Variants in NUTF2 observed in about 807,000 individuals in gnomAD.
The protein encoded by NUTF2 is nuclear transport factor 2.
A neutral mutation model predicts 18.5 loss-of-function variants in NUTF2; 3 were observed. The observed-to-expected ratio is 0.16, with a 90% CI of 0.07 to 0.42. The LOEUF (loss-of-function observed/expected upper bound fraction) is 0.42, where lower values mean the gene tolerates loss of function less well. Ranked by LOEUF, NUTF2 falls within the 10% of genes least tolerant of loss-of-function variation. The pLI is 0.99. For synonymous variants in NUTF2, 51 were observed against 57.9 expected, an observed-to-expected ratio of 0.88 and a Z score of 0.54; for missense variants, 44 against 160.7, an observed-to-expected ratio of 0.27 and a Z score of 3.93.
chr16:67,865,428 A>T (rs1229162744), intron 2 of NUTF2, among the ~76,000 whole-genome samples, 199 bp downstream of exon 2: 1 of 152,180 alleles, frequency 6.6e-6, no homozygotes, highest in Non-Finnish European at 1.5e-5. Context: ...GTCAACTTCC[A>T]CAAGAGTGAG....
chr16:67,868,810 C>T (rs568833103), intron 4 of NUTF2: 22 of 462,726 alleles, frequency 4.8e-5, no homozygotes, highest in Admixed American at 1.4e-4. Flanking sequence ...TGTACTTCTT[C>T]GGTTGTACTA....
At chr16:67,870,146 G>C (rs772829969) in intron 4 of NUTF2, 1 of 152,406 alleles carries the variant, frequency 6.6e-6, no homozygotes, top group Non-Finnish European at 1.5e-5. Flanking sequence ...AAACACTGCT[G>C]CTTCCCACCG....
intron 1 of NUTF2, among the ~76,000 whole-genome samples, chr16:67,853,575 C>T (rs1315701277): frequency 6.6e-6 from 1 of 152,152 alleles, no homozygotes; most frequent in Non-Finnish European, 1.5e-5. Context: ...CCAGGCTGGT[C>T]TCGAACTCCT....
chr16:67,863,476 G>GCTGGCTCCT (rs909564471), intron 1 of NUTF2, among the ~76,000 whole-genome samples: 1 of 152,126 alleles, frequency 6.6e-6, no homozygotes, highest in Non-Finnish European at 1.5e-5. Context: ...ATTCCTCCCC[G>GCTGGCTCCT]CTGGCTCCTC....
At chr16:67,867,185 TG>T (rs1359533809) in intron 2 of NUTF2, among the ~76,000 whole-genome samples, 5 of 152,068 alleles carry the variant, frequency 3.3e-5, no homozygotes, top group Non-Finnish European at 7.4e-5. Context: ...TTGGCCAGGC[TG>T]GTCTGGAACA....
At chr16:67,850,961 C>G (rs2151293993) in intron 1 of NUTF2, among the ~76,000 whole-genome samples, 1 of 152,070 alleles carries the variant, frequency 6.6e-6, no homozygotes, top group South Asian at 2.1e-4. Context: ...CCACCACACC[C>G]AGCTAATTTT....
Position 67,865,246 on chromosome 16 carries a change from A to G in NUTF2, c.99+17A>G, listed in dbSNP as rs1639434016. ...GCAATTTACGTAAGTTTCCAGCTCT[A>G]GGGCCAGAATGGACCCTAGGGGATC... On this transcript the variant is annotated intron_variant, in intron 2 of 4. Coordinates refer to ENST00000219169, the MANE Select transcript of NUTF2 (RefSeq NM_005796.3). 6.3e-6 allele frequency: 10 copies of G among 1,576,856 alleles called. No individual in the cohort carries two copies. The South Asian group carries it at 1.1e-4, about 17-fold the overall frequency.
At chr16:67,855,221 T>A (rs1036717109) in intron 1 of NUTF2, among the ~76,000 whole-genome samples, 1 of 152,172 alleles carries the variant, frequency 6.6e-6, no homozygotes, top group Non-Finnish European at 1.5e-5. Flanking sequence ...TCATGTGATA[T>A]TATTCACCCT....
intron 1 of NUTF2, among the ~76,000 whole-genome samples, chr16:67,854,699 C>G (rs372778033): frequency 2.6e-5 from 4 of 152,188 alleles, no homozygotes; most frequent in Non-Finnish European, 5.9e-5. Context: ...GTAATCCCAG[C>G]ACTTTGGGAG....
At chr16:67,866,955 T>TG (rs928174888) in intron 2 of NUTF2, among the ~76,000 whole-genome samples, 2 of 151,604 alleles carry the variant, frequency 1.3e-5, no homozygotes, top group African/African-American at 4.8e-5. Flanking sequence ...TCCTGGCACT[T>TG]GTGCCTCATT....
intron 2 of NUTF2, among the ~76,000 whole-genome samples, chr16:67,866,535 G>C (rs1329846301): frequency 1.3e-5 from 2 of 151,552 alleles, no homozygotes; most frequent in Non-Finnish European, 2.9e-5. Context: ...GTGCAATCTT[G>C]GCTCACTGCA....
At chr16:67,870,654 A>AAGTACCCCTTGGCTACACTGGGATTTG in intron 4 of NUTF2, 146 bp from the exon 5 acceptor site, 1 of 701,206 alleles carries the variant, frequency 1.4e-6, no homozygotes. Context: ...TCACATTCAC[A>AAGTACCCCTTGGCTACACTGGGATTTG]AGTACCCCTT....
intron 1 of NUTF2, among the ~76,000 whole-genome samples, chr16:67,854,759 C>T (rs2057883297): frequency 6.6e-6 from 1 of 152,050 alleles, no homozygotes; most frequent in Admixed American, 6.6e-5. Context: ...CCAACCTGGC[C>T]AATATGGCAA....
intron 1 of NUTF2, chr16:67,855,968 A>G: frequency 8.2e-7 from 1 of 1,213,304 alleles, no homozygotes; most frequent in Non-Finnish European, 1.2e-6. Context: ...GAACTTCTGG[A>G]ACTGCTTCTT....
chr16:67,871,773 A>T lies in NUTF2; in HGVS notation c.*860A>T, dbSNP rs1420425484. 1 of 152,284 alleles carries T rather than the reference A, an allele frequency of 6.6e-6. No individual in the cohort carries two copies. Among genetic ancestry groups the T allele is most frequent in the Non-Finnish European group, 1.5e-5 (1 of 68,084 alleles). 9.4% of individuals were successfully genotyped at this position (152,284 alleles called of 1,614,324 possible). On this transcript the variant is annotated 3_prime_UTR_variant, in exon 5 of 5. Transcript: ENST00000219169. Reference sequence around the variant, plus strand: ...CTCTATCCCCAGAAGGATCAGGATCATATCCAGGATGCCCCACATACACCA... The same window carrying T: ...CTCTATCCCCAGAAGGATCAGGATCTTATCCAGGATGCCCCACATACACCA...
intron 1 of NUTF2, among the ~76,000 whole-genome samples, chr16:67,863,222 G>A (rs1307601184): frequency 6.6e-6 from 1 of 152,202 alleles, no homozygotes; most frequent in Non-Finnish European, 1.5e-5. Flanking sequence ...TCTTGGCAGA[G>A]TATGAACTAG....
chr16:67,863,191 T>TGATGG (rs2057946288), intron 1 of NUTF2, among the ~76,000 whole-genome samples: 1 of 152,230 alleles, frequency 6.6e-6, no homozygotes, highest in Non-Finnish European at 1.5e-5. Context: ...GTCCTGTGCT[T>TGATGG]TCCCCACTTG....
chr16:67,864,693 C>A (rs1038181771), intron 1 of NUTF2, among the ~76,000 whole-genome samples: 2 of 152,094 alleles, frequency 1.3e-5, no homozygotes, highest in Admixed American at 6.6e-5. Flanking sequence ...ATAGCAATAA[C>A]TCTGTCCTTG....
intron 1 of NUTF2, among the ~76,000 whole-genome samples, chr16:67,853,215 G>A (rs2057872943): frequency 6.6e-6 from 1 of 152,146 alleles, no homozygotes; most frequent in East Asian, 1.9e-4. Flanking sequence ...CAAGTCTGCA[G>A]TGAGCTGTGA....
Sources: allele counts gnomAD v4.1 joint callset (sites outside exome capture counted in the v4.1 genomes callset), GRCh38; gene constraint gnomAD v4.1.1; transcripts MANE v1.5; gene names NCBI Gene and HGNC (gene_info 2026-07-23, HGNC 2026-07-21).